Variants in PDE4D observed in about 807,000 individuals in gnomAD.
The protein encoded by PDE4D is 3',5'-cyclic-AMP phosphodiesterase 4D.
In PDE4D, 24 loss-of-function variants were observed where a neutral mutation model predicts 87.4. The observed-to-expected ratio is 0.27, with a 90% CI of 0.20 to 0.39. The LOEUF is 0.39. Ranked by LOEUF, PDE4D falls within the 10% of genes least tolerant of loss-of-function variation. The probability of loss-of-function intolerance (pLI) is 1.00; values close to 1 mark genes in which losing one functional copy is unlikely to be tolerated. For synonymous variants in PDE4D, 384 were observed against 383.2 expected (o/e 1.00, Z -0.02); for missense variants, 714 against 1,041.0 (o/e 0.69, Z 4.32).
chr5:59,773,764 A>G (rs1763807383), intron 1 of PDE4D, among the ~76,000 whole-genome samples: 1 of 152,142 alleles, frequency 6.6e-6, no homozygotes, highest in Non-Finnish European at 1.5e-5. Context: ...CCCTTATCTA[A>G]AAGCACATCT....
chr5:60,103,871 G>A (rs758067839), intron 2 of PDE4D, among the ~76,000 whole-genome samples: 16 of 151,994 alleles, frequency 1.1e-4, no homozygotes, highest in South Asian at 2.1e-4. Flanking sequence ...AAAAAAAATC[G>A]AGGAAGAGAC....
At chr5:60,118,328 A>T (rs1562117067) in intron 2 of PDE4D, among the ~76,000 whole-genome samples, 1 of 152,060 alleles carries the variant, frequency 6.6e-6, no homozygotes, top group Non-Finnish European at 1.5e-5. Context: ...GCTGACTGTC[A>T]TGCTTCCGCT....
intron 1 of PDE4D, among the ~76,000 whole-genome samples, chr5:60,486,517 T>C (rs1749155725): frequency 6.6e-6 from 1 of 152,230 alleles, no homozygotes; most frequent in African/African-American, 2.4e-5. Context: ...TGGTGTGATC[T>C]GAAAGGGGAT....
chr5:60,233,975 T>G (rs930816533), intron 1 of PDE4D, among the ~76,000 whole-genome samples: 3 of 151,898 alleles, frequency 2.0e-5, no homozygotes, highest in Non-Finnish European at 1.5e-5. Context: ...AACAGTTTTC[T>G]TGAGATATAA....
intron 1 of PDE4D, among the ~76,000 whole-genome samples, chr5:60,470,622 A>G (rs1194860860): frequency 6.6e-6 from 1 of 152,176 alleles, no homozygotes; most frequent in Non-Finnish European, 1.5e-5. Context: ...ATTGAAGCCA[A>G]TTCTCATTTA....
intron 1 of PDE4D, among the ~76,000 whole-genome samples, chr5:59,782,207 G>A (rs906382545): frequency 1.3e-5 from 2 of 152,232 alleles, no homozygotes; most frequent in Non-Finnish European, 2.9e-5. Flanking sequence ...AGACATCCTC[G>A]AGTCTGAAAA....
chr5:59,569,460 C>T (rs1414092018), intron 1 of PDE4D, among the ~76,000 whole-genome samples: 2 of 152,082 alleles, frequency 1.3e-5, no homozygotes, highest in African/African-American at 4.8e-5. Flanking sequence ...AAGTTTTACA[C>T]CAAACAAAAA....
intron 1 of PDE4D, among the ~76,000 whole-genome samples, chr5:59,749,551 A>G (rs1425338794): frequency 1.3e-5 from 2 of 152,078 alleles, no homozygotes; most frequent in Non-Finnish European, 1.5e-5. Flanking sequence ...ATGCCCAGCC[A>G]CTTATTTCTC....
chr5:60,240,573 G>A (rs1001340693), intron 1 of PDE4D, among the ~76,000 whole-genome samples: 2 of 152,070 alleles, frequency 1.3e-5, no homozygotes, highest in African/African-American at 4.8e-5. Flanking sequence ...AGCAGGCCTT[G>A]GACAAGACCC....
At chr5:59,129,344 T>A (rs1427521922) in intron 5 of PDE4D, among the ~76,000 whole-genome samples, 2 of 152,118 alleles carry the variant, frequency 1.3e-5, no homozygotes, top group Non-Finnish European at 2.9e-5. Flanking sequence ...GCTCAAGTAA[T>A]CCTCCTGCCT....
At chr5:60,298,787 C>A (rs1226209748) in intron 1 of PDE4D, among the ~76,000 whole-genome samples, 1 of 152,112 alleles carries the variant, frequency 6.6e-6, no homozygotes, top group Non-Finnish European at 1.5e-5. Context: ...ACGACCTTTG[C>A]AAATCAGTGG....
At chr5:60,248,331 G>A (rs556986565) in intron 1 of PDE4D, among the ~76,000 whole-genome samples, 3 of 152,146 alleles carry the variant, frequency 2.0e-5, no homozygotes, top group Non-Finnish European at 2.9e-5. Context: ...TGAAGGGAGC[G>A]AGTGACAGTA....
At chr5:60,327,291 T>C (rs1756887718) in intron 1 of PDE4D, among the ~76,000 whole-genome samples, 1 of 152,194 alleles carries the variant, frequency 6.6e-6, no homozygotes, top group African/African-American at 2.4e-5. Context: ...GTGTGAAGAC[T>C]AAAGGAAGAT....
rs1371296025 is a variant in PDE4D at position 59,893,570 on chromosome 5, C to G, written c.53G>C (p.Ser18Thr). Residue 18 changes from serine (S) to threonine (T), a missense_variant, in exon 1 of 15, where the codon AGC (serine) becomes ACC (threonine). By Grantham distance (58) the Ser-to-Thr change is moderately conservative. Around this residue, in one of 7 missense-constraint regions of PDE4D, gnomAD observed 268 missense variants for 272.9 expected, o/e 0.98. Transcript: ENST00000340635. ...GAGCGTGGCCCCGCCGGCGCTGTCG[C>G]TGCCCTCTCCGCTGCCCGCCCGGGC... ...APARAGSGEG[S>T]DSAGGATLKA... 6.5e-7 allele frequency: 1 copy of G among 1,529,072 alleles called. No homozygotes were observed. The highest frequency in any genetic ancestry group is 2.0e-5 in the Admixed American group (1 of 48,968). The allele number at this position is 1,529,072 out of a possible 1,614,324, so 94.7% of individuals were successfully genotyped here.
intron 1 of PDE4D, among the ~76,000 whole-genome samples, chr5:59,802,023 C>T (rs1242337901): frequency 6.6e-6 from 1 of 152,046 alleles, no homozygotes; most frequent in Non-Finnish European, 1.5e-5. Flanking sequence ...TAAAGAAGGG[C>T]TAGGTGTTTC....
chr5:60,169,745 A>C (rs1783248977), intron 2 of PDE4D, among the ~76,000 whole-genome samples: 1 of 152,210 alleles, frequency 6.6e-6, no homozygotes, highest in Admixed American at 6.5e-5. Context: ...AAGTCTAAAT[A>C]AACTATTTTG....
intron 1 of PDE4D, among the ~76,000 whole-genome samples, chr5:59,436,230 AAC>A (rs1796780332): frequency 6.6e-6 from 1 of 152,298 alleles, no homozygotes; most frequent in African/African-American, 2.4e-5. Context: ...AGAAGGAAAT[AAC>A]AGTGCAAATG....
At chr5:59,038,051 T>C (rs1437430501) in intron 6 of PDE4D, among the ~76,000 whole-genome samples, 1 of 152,184 alleles carries the variant, frequency 6.6e-6, no homozygotes, top group Non-Finnish European at 1.5e-5. Context: ...ACTAAAAACA[T>C]ACACAATTCC....
rs112836104 is a variant in PDE4D at position 59,466,209 on chromosome 5, G to A, written c.456-250241C>T. Among the ~76,000 whole-genome samples, 226 of 152,252 alleles carry A rather than the reference G, an allele frequency of 1.5e-3. 4 individuals are homozygous for A. The highest frequency in any genetic ancestry group is 5.2e-3 in the African/African-American group (215 of 41,552). ...GTAAACATCTTCCATTTAAATTAGC[G>A]TGTGTACAATTAGAATTATTAAGAA... On this transcript the variant is annotated intron_variant, in intron 1 of 14. Coordinates refer to ENST00000340635, the MANE Select transcript of PDE4D (RefSeq NM_001104631.2).
Sources: allele counts gnomAD v4.1 joint callset (sites outside exome capture counted in the v4.1 genomes callset), GRCh38; gene constraint gnomAD v4.1.1; regional missense constraint gnomAD v4.1.1; transcripts MANE v1.5; gene names NCBI Gene and HGNC (gene_info 2026-07-23, HGNC 2026-07-21).